Variants in DNMT1 observed in about 807,000 individuals in gnomAD.
The protein encoded by DNMT1 is DNA methyltransferase 1.
In DNMT1, 24 loss-of-function variants were observed where a neutral mutation model predicts 205.3. That is an observed-to-expected ratio of 0.12 (90% CI 0.08 to 0.16). The LOEUF (loss-of-function observed/expected upper bound fraction) is 0.16, where lower values mean the gene tolerates loss of function less well. Ranked by LOEUF, DNMT1 falls within the 10% of genes least tolerant of loss-of-function variation. The probability of loss-of-function intolerance (pLI) is 1.00; values close to 1 mark genes in which losing one functional copy is unlikely to be tolerated. For missense variants in DNMT1, 1,293 were observed against 2,177.7 expected (o/e 0.59, Z 8.09); for synonymous variants, 817 against 839.8 (o/e 0.97, Z 0.47).
intron 8 of DNMT1, among the ~76,000 whole-genome samples, chr19:10,173,655 C>A (rs11670357): frequency 5.3e-5 from 8 of 151,978 alleles, no homozygotes; most frequent in Non-Finnish European, 8.8e-5. Context: ...CCACGCCCAG[C>A]TAAGTTTTGA....
At chr19:10,180,150 C>T in intron 5 of DNMT1, 37 bp downstream of exon 5, 1 of 666,618 alleles carries the variant, frequency 1.5e-6, no homozygotes, top group Non-Finnish European at 2.6e-6. Context: ...CCCATCTCTA[C>T]TAAATACAAA....
intron 11 of DNMT1, among the ~76,000 whole-genome samples, chr19:10,164,156 GGAGA>G (rs368866318): frequency 1.3e-5 from 2 of 151,628 alleles, no homozygotes; most frequent in African/African-American, 4.8e-5. Flanking sequence ...ACATATATAT[GGAGA>G]GAGAGAGAGA....
rs1365827673 is a variant in DNMT1, at chr19:10,146,773, G to C, written c.2721-249C>G. Among the ~76,000 whole-genome samples the C allele has an allele frequency of 2.0e-5, 3 of 152,182 alleles. No individual in the cohort carries two copies. Among genetic ancestry groups the C allele is most frequent in the African/African-American group, 7.2e-5 (3 of 41,432 alleles). Reference sequence around the variant, plus strand: ...TGAGTCATTGAGACAAAAACCCTAAGATATCAATGAACAGGGTCTAGAATA... The same window carrying C: ...TGAGTCATTGAGACAAAAACCCTAACATATCAATGAACAGGGTCTAGAATA... On this transcript the variant is annotated intron_variant, in intron 27 of 40. Coordinates refer to ENST00000359526, the MANE Select transcript of DNMT1 (RefSeq NM_001130823.3). The surrounding 1 kb of genome is among the most constrained non-coding windows in gnomAD (Gnocchi z 4.4).
At position 10,146,550 on chromosome 19, in the gene DNMT1, A is replaced by G. The variant is rs1226830089; in HGVS notation, c.2721-26T>C. The G allele has an allele frequency of 6.8e-6, 11 of 1,613,602 alleles. No homozygotes were observed. The highest frequency in any genetic ancestry group is 1.1e-5 in the South Asian group (1 of 91,078). On this transcript the variant is annotated intron_variant, in intron 27 of 40. Transcript: ENST00000359526. This position sits in a 1 kb window ranked among gnomAD's most constrained non-coding sequence, Gnocchi z 4.4. Reference sequence around the variant, plus strand: ...CTGAAGGAAACAAAGGGACAGAAACATAAGGCCCTGAGGTGGCCGGCAGTG... The same window carrying G: ...CTGAAGGAAACAAAGGGACAGAAACGTAAGGCCCTGAGGTGGCCGGCAGTG...
chr19:10,163,585 C>T (rs937129023), intron 11 of DNMT1, among the ~76,000 whole-genome samples: 2 of 152,284 alleles, frequency 1.3e-5, no homozygotes, highest in South Asian at 2.1e-4. Context: ...TAAAGAACCT[C>T]CTAGACCAGG....
chr19:10,182,609 T>A (rs138805721), intron 1 of DNMT1, among the ~76,000 whole-genome samples: 1 of 151,270 alleles, frequency 6.6e-6, no homozygotes, highest in African/African-American at 2.4e-5. Context: ...TATATATGTA[T>A]GTATATATGT....
At chr19:10,145,851 C>T (rs1275822242) in intron 28 of DNMT1, among the ~76,000 whole-genome samples, 4 of 151,888 alleles carry the variant, frequency 2.6e-5, no homozygotes, top group Admixed American at 6.6e-5. Flanking sequence ...TATTTTGAGA[C>T]GGAGTCACAC....
At chr19:10,160,498 G>A in intron 13 of DNMT1, 80 bp from the exon 14 acceptor site, 4 of 1,482,580 alleles carry the variant, frequency 2.7e-6, no homozygotes, top group Middle Eastern at 1.7e-4. Flanking sequence ...TAAGAACTTT[G>A]TATAAGTGAT....
chr19:10,141,954 G>A, intron 30 of DNMT1, 74 bp downstream of exon 30: 1 of 1,567,942 alleles, frequency 6.4e-7, no homozygotes, highest in African/African-American at 1.4e-5. Flanking sequence ...GCCGCCTTGT[G>A]TATAACCCGA....
intron 25 of DNMT1, 73 bp from the exon 26 acceptor site, chr19:10,149,730 A>G (rs1312909303): frequency 6.2e-7 from 1 of 1,610,096 alleles, no homozygotes; most frequent in Non-Finnish European, 8.5e-7. Context: ...TCTATGCAGG[A>G]GCACTCGTCC....
At chr19:10,162,904 A>G in intron 12 of DNMT1, 156 bp from the exon 13 acceptor site, 2 of 708,674 alleles carry the variant, frequency 2.8e-6, no homozygotes, top group East Asian at 5.7e-5. Flanking sequence ...TCCCGAGACG[A>G]GGCCTTCAGA....
In DNMT1 at chr19:10,146,337, G is replaced by A. The variant is rs757165818; in HGVS notation, c.2894+14C>T. The stretch of plus-strand genomic sequence containing the variant: ...GGAGCGCCCTGGCCCCGGCTGCTCC[G>A]AGGGGGCACTTACTTGAACGTGAAG... On this transcript the variant is annotated intron_variant, in intron 28 of 40. Coordinates refer to ENST00000359526, the MANE Select transcript of DNMT1 (RefSeq NM_001130823.3). The surrounding 1 kb of genome is among the most constrained non-coding windows in gnomAD (Gnocchi z 4.4). 40 of 1,613,562 alleles carry A rather than the reference G, an allele frequency of 2.5e-5. No homozygotes were observed. The highest frequency in any genetic ancestry group is 1.5e-4 in the African/African-American group (11 of 74,890).
Position 10,143,815 on chromosome 19 carries a change from C to T in DNMT1, c.3067G>A (p.Gly1023Ser), listed in dbSNP as rs1256073808. 7.4e-6 allele frequency: 12 copies of T among 1,614,002 alleles called. No homozygotes were observed. The highest frequency in any genetic ancestry group is 2.2e-5 in the South Asian group (2 of 91,080). The change falls in exon 29 of 41, where the codon GGC becomes AGC. Residue 1023 changes from glycine to serine, a missense_variant. Physicochemically the swap from Gly to Ser is moderately conservative, Grantham distance 56 (BLOSUM62 0). Transcript: ENST00000359526. ...KEIFCPKKSN[G>S]RPNETDIKIR... is the part of the protein sequence containing the mutation. Reference sequence around the variant, plus strand: ...TTGATGTCAGTCTCATTGGGCCTGCCGTTGCTCTTCTTGGGACAGAAGATC... The same window carrying T: ...TTGATGTCAGTCTCATTGGGCCTGCTGTTGCTCTTCTTGGGACAGAAGATC...
At chr19:10,158,254 A>C (rs966980248) in intron 17 of DNMT1, among the ~76,000 whole-genome samples, 9 of 152,204 alleles carry the variant, frequency 5.9e-5, no homozygotes, top group Non-Finnish European at 1.0e-4. Flanking sequence ...ACCAGCAGGC[A>C]GAGGTGTGTG....
chr19:10,177,349 G>A lies in DNMT1; in HGVS notation c.512C>T (p.Pro171Leu). The part of the protein sequence containing the change: ...TGIRAEPSPS[P>L]RITRKSTRQT... ...CCTGGTGCTTTTCCTTGTAATCCTGGGGCTAGGTGAAGGTTCAGCTGTTTA... is the reference window on the plus strand; with the variant it reads ...CCTGGTGCTTTTCCTTGTAATCCTGAGGCTAGGTGAAGGTTCAGCTGTTTA... Residue 171 changes from proline to leucine, a missense_variant, in exon 6 of 41, where the codon CCC (proline) becomes CTC (leucine). By Grantham distance (98) the Pro-to-Leu change is moderately conservative. Coordinates refer to ENST00000359526, the MANE Select transcript of DNMT1 (RefSeq NM_001130823.3). 1 of 1,613,776 alleles carries A rather than the reference G, an allele frequency of 6.2e-7. No homozygotes were observed. Among genetic ancestry groups the A allele is most frequent in the Non-Finnish European group, 8.5e-7 (1 of 1,179,972 alleles).
chr19:10,148,923 G>A lies in DNMT1; in HGVS notation c.2681C>T (p.Ser894Phe), dbSNP rs1160065459. The change falls in exon 27 of 41, where the codon TCC becomes TTC. Residue 894 changes from serine (S) to phenylalanine (F), a missense_variant. By Grantham distance (155) the Ser-to-Phe change is radical. Coordinates refer to ENST00000359526, the MANE Select transcript of DNMT1 (RefSeq NM_001130823.3). ...WYDQDYARFESPPKTQPTEDN... is the reference protein window; with the variant it reads ...WYDQDYARFEFPPKTQPTEDN... ...CTCTGTTGGCTGGGTTTTTGGAGGG[G>A]ACTCGAATCTCGCGTAGTCTTGATC... 5 of 1,614,088 alleles carry A rather than the reference G, an allele frequency of 3.1e-6. No individual in the cohort carries two copies. The South Asian group carries it at 5.5e-5, about 18-fold the overall frequency.
At chr19:10,165,296 G>A (rs928744831) in intron 11 of DNMT1, among the ~76,000 whole-genome samples, 2 of 152,170 alleles carry the variant, frequency 1.3e-5, no homozygotes, top group Admixed American at 1.3e-4. Flanking sequence ...GTGGCTCTTA[G>A]AGCTTTGGGA....
chr19:10,136,300 A>T lies in DNMT1; in HGVS notation c.4490-13T>A. On this transcript the variant is annotated splice_polypyrimidine_tract_variant and intron_variant, in intron 37 of 40. Coordinates refer to ENST00000359526, the MANE Select transcript of DNMT1 (RefSeq NM_001130823.3). Reference sequence around the variant, plus strand: ...CAGGCTTTGCCGGCTGGAAGACAGGACAGTGATGAGGCTGCAGTTGTGGGA... The same window carrying T: ...CAGGCTTTGCCGGCTGGAAGACAGGTCAGTGATGAGGCTGCAGTTGTGGGA... 8.7e-6 allele frequency: 14 copies of T among 1,613,486 alleles called. No homozygotes were observed. Among genetic ancestry groups the T allele is most frequent in the Non-Finnish European group, 1.2e-5 (14 of 1,179,978 alleles).
In DNMT1 at chr19:10,170,299, A is replaced by G. The variant is rs1396776322; in HGVS notation, c.769-1935T>C. On this transcript the variant is annotated intron_variant, in intron 9 of 40. Coordinates refer to ENST00000359526, the MANE Select transcript of DNMT1 (RefSeq NM_001130823.3). ...AATTCCATCTCAATTAAAAAAAAAG[A>G]AAAAAAGCAAGAAAGACCAACCTCA... 3.3e-5 allele frequency among the ~76,000 whole-genome samples: 5 copies of G among 151,988 alleles called. No homozygotes were observed. The East Asian group carries it at 7.7e-4, about 23-fold the overall frequency.
Sources: allele counts gnomAD v4.1 joint callset (sites outside exome capture counted in the v4.1 genomes callset), GRCh38; gene constraint gnomAD v4.1.1; non-coding constraint Gnocchi (gnomAD v3.1); transcripts MANE v1.5; gene names NCBI Gene and HGNC (gene_info 2026-07-23, HGNC 2026-07-21).